Variants in CYGB observed in about 807,000 individuals in gnomAD.
CYGB encodes the protein cytoglobin, also known as histoglobin.
Under a neutral mutation model 20.7 loss-of-function variants are expected in CYGB, and 13 were observed. The observed-to-expected ratio is 0.63, with a 90% CI of 0.41 to 1.00. The LOEUF is 1.00. Ranked by LOEUF, CYGB falls within the 50% of genes least tolerant of loss-of-function variation. The probability of loss-of-function intolerance (pLI) is 0.00; values close to 1 mark genes in which losing one functional copy is unlikely to be tolerated. For synonymous variants in CYGB, 93 were observed against 107.4 expected (o/e 0.87, Z 0.83); for missense variants, 218 against 257.2 (o/e 0.85, Z 1.04).
At chr17:76,542,058 C>G (rs1355931353), upstream of CYGB, among the ~76,000 whole-genome samples, 1 of 152,104 alleles carries the variant, frequency 6.6e-6, no homozygotes, top group Non-Finnish European at 1.5e-5. Context: ...TGTTTTTAAT[C>G]TTTGGTTAAT....
chr17:76,528,995 T>C lies in CYGB; in HGVS notation c.540-384A>G, dbSNP rs2074799366. ...GTCTCGTCCCTCCTCGGGCCACCCA[T>C]CTGTATTCTCGTATTCTCGGTACAC... On this transcript the variant is annotated intron_variant, in intron 3 of 3. Coordinates refer to ENST00000293230, the MANE Select transcript of CYGB (RefSeq NM_134268.5). The surrounding 1 kb of genome is among the most constrained non-coding windows in gnomAD (Gnocchi z 5.8). 3 of 1,004,102 alleles carry C rather than the reference T, an allele frequency of 3.0e-6. No individual in the cohort carries two copies. The highest frequency in any genetic ancestry group is 1.7e-5 in the African/African-American group (1 of 57,922). The allele number at this position is 1,004,102 out of a possible 1,614,324, so 62.2% of individuals were successfully genotyped here. A position where few individuals can be genotyped will look rare whatever the true frequency, so the allele number is the denominator to read the frequency against.
upstream of CYGB, chr17:76,538,636 T>C: frequency 2.8e-6 from 1 of 359,820 alleles, no homozygotes. Flanking sequence ...GCTGGGGACA[T>C]CTCAGCCGCC....
Position 76,527,892 on chromosome 17 carries a change from A to G in CYGB, c.*686T>C. 4.6e-6 allele frequency: 2 copies of G among 437,956 alleles called. No homozygotes were observed. Among genetic ancestry groups the G allele is most frequent in the Non-Finnish European group, 9.3e-6 (2 of 215,184 alleles). 27.1% of individuals were successfully genotyped at this position (437,956 alleles called of 1,614,324 possible). On this transcript the variant is annotated 3_prime_UTR_variant, in exon 4 of 4. Coordinates refer to ENST00000293230, the MANE Select transcript of CYGB (RefSeq NM_134268.5). ...CCACTCCTTTCTGCCTGGAAGTGGAATTCAGGAATGTGGGGAGCTGGTCTG... is the reference window on the plus strand; with the variant it reads ...CCACTCCTTTCTGCCTGGAAGTGGAGTTCAGGAATGTGGGGAGCTGGTCTG...
chr17:76,532,485 C>A (rs949842405), intron 1 of CYGB, among the ~76,000 whole-genome samples: 4 of 152,150 alleles, frequency 2.6e-5, no homozygotes, highest in Admixed American at 2.0e-4. Context: ...CACCCTCTGA[C>A]CCCCTGCCCT....
At chr17:76,536,247 G>A (rs2074912027) in intron 1 of CYGB, among the ~76,000 whole-genome samples, 1 of 152,150 alleles carries the variant, frequency 6.6e-6, no homozygotes, top group Non-Finnish European at 1.5e-5. Flanking sequence ...TTCTGAGTTG[G>A]AATCAGGGCA....
chr17:76,549,017 C>A (rs1018047448), intron 1 of CYGB, among the ~76,000 whole-genome samples: 1 of 152,178 alleles, frequency 6.6e-6, no homozygotes, highest in African/African-American at 2.4e-5. Flanking sequence ...TAAGGATATA[C>A]ACACAGATCA....
rs1167821508 is a variant in CYGB at position 76,527,677 on chromosome 17, C to T, written c.*901G>A. 22 of 453,964 alleles carry T rather than the reference C, an allele frequency of 4.8e-5. No homozygotes were observed. Among genetic ancestry groups the T allele is most frequent in the African/African-American group, 1.4e-4 (7 of 50,078 alleles). The allele number at this position is 453,964 out of a possible 1,614,324, so 28.1% of individuals were successfully genotyped here. On this transcript the variant is annotated 3_prime_UTR_variant, in exon 4 of 4. Coordinates refer to ENST00000293230, the MANE Select transcript of CYGB (RefSeq NM_134268.5). ...AGGGTGAGACCCAGGCATGTGGTCC[C>T]GCCGACCTGCTGCCCAGCAGCCCGG...
chr17:76,534,618 T>C (rs1245215689), intron 1 of CYGB, among the ~76,000 whole-genome samples: 2 of 152,278 alleles, frequency 1.3e-5, no homozygotes, highest in East Asian at 1.9e-4. Flanking sequence ...GGCACTGTTT[T>C]AATCCCCATC....
At chr17:76,547,981 T>G (rs1437747777) in intron 1 of CYGB, among the ~76,000 whole-genome samples, 1 of 148,508 alleles carries the variant, frequency 6.7e-6, no homozygotes, top group Admixed American at 6.7e-5. Context: ...AACATACACA[T>G]ACATACACAT....
chr17:76,540,667 C>T (rs1038801107), upstream of CYGB: 12 of 1,265,064 alleles, frequency 9.5e-6, no homozygotes, highest in East Asian at 2.6e-4. The surrounding 1 kb of genome is among the most constrained non-coding windows in gnomAD (Gnocchi z 5.0). Flanking sequence ...CTGTGCGCGC[C>T]TGTGCGTGCA....
At chr17:76,540,257 G>GGC (rs1555624433), upstream of CYGB, 7 of 1,159,242 alleles carry the variant, frequency 6.0e-6, no homozygotes, top group African/African-American at 1.1e-4. This position sits in a 1 kb window ranked among gnomAD's most constrained non-coding sequence, Gnocchi z 5.0. Flanking sequence ...TGGTCGGGGG[G>GGC]GGGGGGCATG....
chr17:76,549,685 C>T (rs556620390), intron 1 of CYGB, among the ~76,000 whole-genome samples: 5 of 152,168 alleles, frequency 3.3e-5, no homozygotes, highest in African/African-American at 7.2e-5. Flanking sequence ...TATTCCTCGA[C>T]GTGGGAACAG....
At position 76,531,740 on chromosome 17, in the gene CYGB, C is replaced by A. The variant is rs1174999468; in HGVS notation, c.144-49G>T. The A allele has an allele frequency of 6.6e-7, 1 of 1,505,958 alleles. No individual in the cohort carries two copies. The highest frequency in any genetic ancestry group is 9.1e-7 in the Non-Finnish European group (1 of 1,103,914). The allele number at this position is 1,505,958 out of a possible 1,614,324, so 93.3% of individuals were successfully genotyped here. ...CGCTGAAGCTGGAGGCTGCCTCGGG[C>A]CCACCCTGAAGCTTCCAGGATAGTG... On this transcript the variant is annotated intron_variant, in intron 1 of 3. Transcript: ENST00000293230. This position sits in a 1 kb window ranked among gnomAD's most constrained non-coding sequence, Gnocchi z 7.4.
rs971901938 is a variant in CYGB, at chr17:76,527,631, A to AGCCCTCG, written c.*940_*946dup. The AGCCCTCG allele has an allele frequency of 2.4e-5, 11 of 453,512 alleles. No homozygotes were observed. Among genetic ancestry groups the AGCCCTCG allele is most frequent in the Middle Eastern group, 6.8e-4 (1 of 1,462 alleles). 28.1% of individuals were successfully genotyped at this position (453,512 alleles called of 1,614,324 possible). On this transcript the variant is annotated 3_prime_UTR_variant, in exon 4 of 4. Coordinates refer to ENST00000293230, the MANE Select transcript of CYGB (RefSeq NM_134268.5). ...GCCAGGAGGAGGGTGGGGTGGGGAA[A>AGCCCTCG]GCCCTCGGCCCTCGGAGCTGAGGGT...
upstream of CYGB, among the ~76,000 whole-genome samples, chr17:76,541,517 C>G (rs901291624): frequency 6.6e-6 from 1 of 152,142 alleles, no homozygotes; most frequent in African/African-American, 2.4e-5. Flanking sequence ...AGAGAACTTC[C>G]GTCTTTCTGT....
At chr17:76,532,689 G>A (rs1006159992) in intron 1 of CYGB, among the ~76,000 whole-genome samples, 3 of 151,904 alleles carry the variant, frequency 2.0e-5, no homozygotes, top group Admixed American at 1.3e-4. Context: ...CCATCACCAC[G>A]CCCGGCTAGC....
At chr17:76,551,125 G>A (rs190329714) in exon 1 of CYGB, 49 of 152,310 alleles carry the variant, frequency 3.2e-4, no homozygotes, top group Admixed American at 2.4e-3. Flanking sequence ...TTGTTGCAGC[G>A]TCTCAGTCAA....
Position 76,531,347 on chromosome 17 carries a change from A to G in CYGB, c.375+113T>C. The G allele has an allele frequency of 7.3e-7, 1 of 1,368,386 alleles. No individual in the cohort carries two copies. The highest frequency in any genetic ancestry group is 2.3e-4 in the Middle Eastern group (1 of 4,280). 84.8% of individuals were successfully genotyped at this position (1,368,386 alleles called of 1,614,324 possible). ...GCCGGGCACTGCCCCTCCCTCTCGC[A>G]GCCACTCCGGGGATCACCTCTGTTG... is the stretch of plus-strand genomic sequence containing the variant. On this transcript the variant is annotated intron_variant, in intron 2 of 3. Coordinates refer to ENST00000293230, the MANE Select transcript of CYGB (RefSeq NM_134268.5). The surrounding 1 kb of genome is among the most constrained non-coding windows in gnomAD (Gnocchi z 7.4).
At chr17:76,550,837 G>A (rs1478501149) in intron 1 of CYGB, 1 of 152,202 alleles carries the variant, frequency 6.6e-6, no homozygotes, top group African/African-American at 2.4e-5. Flanking sequence ...GAAATAACAC[G>A]AACTCCCATT....
Sources: allele counts gnomAD v4.1 joint callset (sites outside exome capture counted in the v4.1 genomes callset), GRCh38; gene constraint gnomAD v4.1.1; non-coding constraint Gnocchi (gnomAD v3.1); transcripts MANE v1.5; gene names NCBI Gene and HGNC (gene_info 2026-07-23, HGNC 2026-07-21).